The following EEFSEC variants were observed in gnomAD, a reference collection of about 807,000 sequenced individuals.
The protein encoded by EEFSEC is eukaryotic elongation factor, selenocysteine-tRNA specific.
A neutral mutation model predicts 42.1 loss-of-function variants in EEFSEC; 43 were observed. That is an observed-to-expected ratio of 1.02 (90% confidence interval 0.80 to 1.32). The LOEUF (loss-of-function observed/expected upper bound fraction) is 1.32, where lower values mean the gene tolerates loss of function less well. Ranked by LOEUF, EEFSEC falls within the 40% of genes most tolerant of loss-of-function variation. The pLI is 0.00. For synonymous variants in EEFSEC, 354 were observed against 339.1 expected, an observed-to-expected ratio of 1.04 and a Z score of -0.48; for missense variants, 745 against 803.6, an observed-to-expected ratio of 0.93 and a Z score of 0.88.
intron 6 of EEFSEC, chr3:128,367,589 C>G: frequency 1.0e-6 from 1 of 971,878 alleles, no homozygotes; most frequent in Non-Finnish European, 1.2e-6. Context: ...TCCACAAGGC[C>G]TACCTCAGGG....
chr3:128,359,940 A>T lies in EEFSEC; in HGVS notation c.1600+1567A>T, dbSNP rs560486711. On this transcript the variant is annotated intron_variant, in intron 6 of 6. Transcript: ENST00000254730. ...CCCTCTCCTGACAGCCTTGCCAGGG[A>T]ACCCCTTCCTTTCAAAGTCCTTCCA... Among the ~76,000 whole-genome samples, 9 of 152,256 alleles carry T rather than the reference A, an allele frequency of 5.9e-5. No individual in the cohort carries two copies. In the South Asian group the frequency reaches 1.5e-3, roughly 25 times the overall value.
chr3:128,404,733 C>A (rs919909673), intron 6 of EEFSEC, among the ~76,000 whole-genome samples: 1 of 152,252 alleles, frequency 6.6e-6, no homozygotes, highest in Admixed American at 6.5e-5. Flanking sequence ...AGAGCAGACA[C>A]CGCTCAGGCT....
intron 4 of EEFSEC, among the ~76,000 whole-genome samples, chr3:128,274,248 T>C (rs2066443782): frequency 6.6e-6 from 1 of 152,232 alleles, no homozygotes; most frequent in African/African-American, 2.4e-5. Context: ...GTGAGTTCCC[T>C]GAGTACACTG....
At chr3:128,246,372 C>T (rs1263560394) in intron 1 of EEFSEC, among the ~76,000 whole-genome samples, 3 of 152,248 alleles carry the variant, frequency 2.0e-5, no homozygotes, top group Non-Finnish European at 2.9e-5. Context: ...CTCCCTAATC[C>T]TCCCCCTTCT....
At position 128,257,326 on chromosome 3, in the gene EEFSEC, G is replaced by GT. The variant is rs2066251315; in HGVS notation, c.525-4799dup. On this transcript the variant is annotated intron_variant, in intron 2 of 6. Coordinates refer to ENST00000254730, the MANE Select transcript of EEFSEC (RefSeq NM_021937.5). ...TTCTGTTGTGAGTATTTGAACAGCA[G>GT]TTTCTTTCTCTTTGCTCAGATGCTC... Among the ~76,000 whole-genome samples, 6 of 152,338 alleles carry GT rather than the reference G, an allele frequency of 3.9e-5. No homozygotes were observed. The South Asian group carries it at 1.2e-3, about 32-fold the overall frequency.
chr3:128,354,830 A>G (rs981579437), intron 5 of EEFSEC, among the ~76,000 whole-genome samples: 3 of 152,218 alleles, frequency 2.0e-5, no homozygotes, highest in Non-Finnish European at 4.4e-5. Flanking sequence ...AATAGGTAGC[A>G]TGCCTGCTAT....
intron 4 of EEFSEC, among the ~76,000 whole-genome samples, chr3:128,285,127 A>G (rs2066569528): frequency 6.6e-6 from 1 of 151,986 alleles, no homozygotes; most frequent in Non-Finnish European, 1.5e-5. Context: ...CTTAAGAGGT[A>G]CCTAGGGTGC....
chr3:128,383,052 A>G (rs2107616214), intron 6 of EEFSEC, among the ~76,000 whole-genome samples: 1 of 150,852 alleles, frequency 6.6e-6, no homozygotes, highest in East Asian at 2.0e-4. Context: ...CCCTGCCCCC[A>G]GTTCCTCAGA....
intron 1 of EEFSEC, among the ~76,000 whole-genome samples, chr3:128,198,076 T>C (rs1197193826): frequency 6.6e-6 from 1 of 152,196 alleles, no homozygotes; most frequent in African/African-American, 2.4e-5. Flanking sequence ...ACTTTCTGAA[T>C]GTACTGTGGC....
intron 4 of EEFSEC, among the ~76,000 whole-genome samples, chr3:128,274,134 C>T (rs1391418155): frequency 6.6e-6 from 1 of 152,210 alleles, no homozygotes; most frequent in South Asian, 2.1e-4. Context: ...TCAAGCATAC[C>T]CTGCCCTTTC....
At chr3:128,393,257 G>A (rs550131311) in intron 6 of EEFSEC, among the ~76,000 whole-genome samples, 22 of 152,240 alleles carry the variant, frequency 1.4e-4, no homozygotes, top group Non-Finnish European at 2.4e-4. Flanking sequence ...CCACCCCCCA[G>A]GCACCTGCAG....
At chr3:128,327,278 T>A (rs1363220453) in intron 4 of EEFSEC, among the ~76,000 whole-genome samples, 3 of 149,652 alleles carry the variant, frequency 2.0e-5, no homozygotes, top group African/African-American at 7.5e-5. Context: ...GGCACCTCCC[T>A]GCACTTTTCC....
intron 1 of EEFSEC, among the ~76,000 whole-genome samples, chr3:128,205,243 G>T (rs2065685898): frequency 6.6e-6 from 1 of 152,118 alleles, no homozygotes; most frequent in Admixed American, 6.5e-5. Flanking sequence ...CCCTCCTCTG[G>T]GCCATGTAGG....
chr3:128,313,300 A>G (rs1322026298), intron 4 of EEFSEC, among the ~76,000 whole-genome samples: 2 of 152,260 alleles, frequency 1.3e-5, no homozygotes, highest in East Asian at 3.8e-4. Context: ...AAAGCCAAGG[A>G]CAGGGCAAAA....
At chr3:128,404,977 C>T (rs769102214) in intron 6 of EEFSEC, among the ~76,000 whole-genome samples, 70 of 151,706 alleles carry the variant, frequency 4.6e-4, no homozygotes, top group Non-Finnish European at 8.1e-4. Context: ...CTGTCCCTGG[C>T]TGACTCTACA....
chr3:128,379,465 T>C (rs2067748454), intron 6 of EEFSEC, among the ~76,000 whole-genome samples: 1 of 152,226 alleles, frequency 6.6e-6, no homozygotes, highest in Non-Finnish European at 1.5e-5. Context: ...AAAAGAATTT[T>C]ACAAGACGGA....
intron 1 of EEFSEC, among the ~76,000 whole-genome samples, chr3:128,225,750 T>C (rs2065901613): frequency 6.6e-6 from 1 of 152,170 alleles, no homozygotes; most frequent in Non-Finnish European, 1.5e-5. Context: ...TCTGGATGGT[T>C]AGGCACCCAG....
chr3:128,345,450 A>AG (rs1316082182), intron 5 of EEFSEC, among the ~76,000 whole-genome samples: 12 of 152,300 alleles, frequency 7.9e-5, no homozygotes, highest in African/African-American at 2.6e-4. Context: ...GGGCCAGAGA[A>AG]GTGCCCTATG....
chr3:128,160,915 A>G (rs2065180244), intron 1 of EEFSEC, among the ~76,000 whole-genome samples: 1 of 152,206 alleles, frequency 6.6e-6, no homozygotes. Context: ...TGGGGTTAAC[A>G]GTGATAATTG....
Sources: gnomAD v4.1 joint callset for allele counts (sites outside exome capture counted in the v4.1 genomes callset) on GRCh38, gnomAD v4.1.1 for gene constraint, MANE v1.5 for transcripts, NCBI Gene and HGNC (gene_info 2026-07-23, HGNC 2026-07-21) for gene names.